The following PPARD variants were observed in gnomAD, a reference collection of about 807,000 sequenced individuals.
PPARD encodes peroxisome proliferator activated receptor delta.
In PPARD, 6 loss-of-function variants were observed where a neutral mutation model predicts 39.5. That is an observed-to-expected ratio of 0.15 (90% CI 0.08 to 0.30). The LOEUF is 0.30. Ranked by LOEUF, PPARD falls within the 10% of genes least tolerant of loss-of-function variation. PPARD has a pLI of 1.00. For synonymous variants in PPARD, 210 were observed against 231.3 expected (o/e 0.91, Z 0.83); for missense variants, 397 against 596.8 (o/e 0.67, Z 3.49).
rs1294864136 is a variant in PPARD at position 35,412,933 on chromosome 6, A to G, written c.130+1716A>G. Among the ~76,000 whole-genome samples the G allele has an allele frequency of 6.6e-6, 1 of 152,192 alleles. No homozygotes were observed. Among genetic ancestry groups the G allele is most frequent in the Admixed American group, 6.5e-5 (1 of 15,274 alleles). On this transcript the variant is annotated intron_variant, in intron 3 of 7. Transcript: ENST00000360694. This position sits in a 1 kb window ranked among gnomAD's most constrained non-coding sequence, Gnocchi z 4.1. The stretch of plus-strand genomic sequence containing the variant: ...CTGAAGAAGGTAGGGAGGGTTAGAA[A>G]GCAAAGGGAAGACAGTGGGGACTAA...
intron 2 of PPARD, among the ~76,000 whole-genome samples, chr6:35,373,580 G>C (rs1404331079): frequency 2.0e-5 from 3 of 152,238 alleles, no homozygotes; most frequent in Admixed American, 2.0e-4. Flanking sequence ...ATAGCTGTTG[G>C]TACGTCTCTT....
intron 2 of PPARD, among the ~76,000 whole-genome samples, chr6:35,383,902 T>C: frequency 7.2e-6 from 1 of 139,846 alleles, no homozygotes; most frequent in Admixed American, 6.8e-5. Context: ...GTGAGGAGCG[T>C]CTCCGCCCGG....
chr6:35,348,219 T>C, intron 2 of PPARD: 5 of 498,518 alleles, frequency 1.0e-5, no homozygotes, highest in Non-Finnish European at 1.3e-5. Context: ...GGAACAAATA[T>C]TTTTAAGTGC....
intron 1 of PPARD, among the ~76,000 whole-genome samples, chr6:35,346,277 G>C (rs1029847385): frequency 2.6e-5 from 4 of 152,124 alleles, no homozygotes; most frequent in African/African-American, 9.7e-5. Context: ...GTGGTGCCTT[G>C]CTCCAGTGCC....
chr6:35,415,894 G>A (rs555336256), intron 3 of PPARD, among the ~76,000 whole-genome samples: 16 of 152,020 alleles, frequency 1.1e-4, no homozygotes, highest in Admixed American at 7.9e-4. Flanking sequence ...CTGGAGAGCC[G>A]GGGAAGTTGA....
chr6:35,393,340 A>G (rs1764126752), intron 2 of PPARD, among the ~76,000 whole-genome samples: 1 of 152,344 alleles, frequency 6.6e-6, no homozygotes. Context: ...GAACAGTGGC[A>G]GTGCTTTTCC....
At chr6:35,413,281 A>C (rs966282650) in intron 3 of PPARD, among the ~76,000 whole-genome samples, 1 of 152,220 alleles carries the variant, frequency 6.6e-6, no homozygotes, top group Admixed American at 6.5e-5. Flanking sequence ...GGAAACGTCC[A>C]GGGCAGAGGT....
At chr6:35,370,870 G>C (rs769154196) in intron 2 of PPARD, among the ~76,000 whole-genome samples, 1 of 152,104 alleles carries the variant, frequency 6.6e-6, no homozygotes, top group East Asian at 1.9e-4. Flanking sequence ...GAGCTCACAC[G>C]AGCCCCATGG....
In PPARD at chr6:35,407,681, T is replaced by TAAATA. The variant is rs538794690; in HGVS notation, c.-101-3288_-101-3284dup. 1.8e-3 allele frequency among the ~76,000 whole-genome samples: 269 copies of TAAATA among 147,778 alleles called. 2 individuals are homozygous for TAAATA. The highest frequency in any genetic ancestry group is 6.0e-3 in the African/African-American group (242 of 40,228). On this transcript the variant is annotated intron_variant, in intron 2 of 7. Transcript: ENST00000360694. ...GTATAATAATAATAAAATAAATAAA[T>TAAATA]AAATAAAATAAAATAAAATAAACTT...
chr6:35,373,636 C>G (rs1459950400), intron 2 of PPARD, among the ~76,000 whole-genome samples: 1 of 151,678 alleles, frequency 6.6e-6, no homozygotes, highest in Non-Finnish European at 1.5e-5. Context: ...GTTCTTCACT[C>G]TACGGTACAT....
intron 2 of PPARD, among the ~76,000 whole-genome samples, chr6:35,372,546 C>A (rs907965440): frequency 6.6e-6 from 1 of 152,208 alleles, no homozygotes; most frequent in Non-Finnish European, 1.5e-5. Context: ...CTTGGAGGAT[C>A]CCAAGCTTGG....
intron 2 of PPARD, among the ~76,000 whole-genome samples, chr6:35,393,146 T>A (rs1405302553): frequency 6.6e-6 from 1 of 152,082 alleles, no homozygotes; most frequent in African/African-American, 2.4e-5. Context: ...ATGGGCCCTG[T>A]GGGGAGCTCT....
intron 3 of PPARD, among the ~76,000 whole-genome samples, chr6:35,416,330 C>T (rs1264430243): frequency 5.0e-5 from 6 of 120,366 alleles, no homozygotes; most frequent in African/African-American, 1.2e-4. Context: ...GCTGAGATCG[C>T]GCCATTGCAC....
chr6:35,370,342 G>A (rs925211259), intron 2 of PPARD, among the ~76,000 whole-genome samples: 1 of 152,166 alleles, frequency 6.6e-6, no homozygotes, highest in Non-Finnish European at 1.5e-5. Flanking sequence ...CCTCTATTGT[G>A]TGCAGGCATG....
At chr6:35,413,488 A>C (rs756981090) in intron 3 of PPARD, among the ~76,000 whole-genome samples, 18 of 152,336 alleles carry the variant, frequency 1.2e-4, no homozygotes, top group Non-Finnish European at 1.0e-4. Context: ...GCAACCTAGC[A>C]GGAAAATCAG....
intron 2 of PPARD, among the ~76,000 whole-genome samples, chr6:35,352,491 A>G (rs1012179671): frequency 6.6e-6 from 1 of 152,166 alleles, no homozygotes; most frequent in Non-Finnish European, 1.5e-5. Context: ...GCCACAAAGA[A>G]TATTTAAAAG....
intron 3 of PPARD, among the ~76,000 whole-genome samples, chr6:35,415,265 G>A (rs1038851692): frequency 2.6e-5 from 4 of 152,190 alleles, no homozygotes; most frequent in African/African-American, 9.6e-5. Context: ...AAGTAAAGAG[G>A]CTGCTCAGTA....
At chr6:35,410,061 A>G (rs1765329263) in intron 2 of PPARD, among the ~76,000 whole-genome samples, 1 of 152,176 alleles carries the variant, frequency 6.6e-6, no homozygotes, top group Non-Finnish European at 1.5e-5. Context: ...TGCTAAAGTA[A>G]AGATTACTAG....
intron 2 of PPARD, among the ~76,000 whole-genome samples, chr6:35,351,756 C>G (rs1027989823): frequency 4.6e-5 from 7 of 151,170 alleles, no homozygotes; most frequent in African/African-American, 1.5e-4. Flanking sequence ...GTCTTGTGAT[C>G]TTGCTACATC....
Sources: gnomAD v4.1 joint callset for allele counts (sites outside exome capture counted in the v4.1 genomes callset) on GRCh38, gnomAD v4.1.1 for gene constraint, Gnocchi (gnomAD v3.1) non-coding constraint, MANE v1.5 for transcripts, NCBI Gene and HGNC (gene_info 2026-07-23, HGNC 2026-07-21) for gene names.